AFG1L: variants seen among roughly 807,000 people sequenced by gnomAD.
The protein encoded by AFG1L is AFG1-like ATPase.
Under a neutral mutation model 62.2 loss-of-function variants are expected in AFG1L, and 53 were observed. That is an observed-to-expected ratio of 0.85 (90% confidence interval 0.68 to 1.07). The LOEUF (loss-of-function observed/expected upper bound fraction) is 1.07. AFG1L is among the 50% of genes least tolerant of loss of function. The pLI is 0.00. For missense variants in AFG1L, 555 were observed against 590.5 expected (o/e 0.94, Z 0.62); for synonymous variants, 228 against 210.3 (o/e 1.08, Z -0.73).
intron 7 of AFG1L, among the ~76,000 whole-genome samples, chr6:108,417,206 C>T (rs934491668): frequency 3.4e-5 from 5 of 148,246 alleles, no homozygotes; most frequent in African/African-American, 7.5e-5. Context: ...TGGATTCCAG[C>T]GTGGGCGACA....
chr6:108,347,868 A>G (rs879938159), intron 3 of AFG1L, among the ~76,000 whole-genome samples: 7 of 151,734 alleles, frequency 4.6e-5, no homozygotes, highest in Non-Finnish European at 8.8e-5. Flanking sequence ...CTGTCAATCA[A>G]TTATTTCTTC....
At chr6:108,339,328 T>A (rs1778590895) in intron 2 of AFG1L, among the ~76,000 whole-genome samples, 1 of 152,048 alleles carries the variant, frequency 6.6e-6, no homozygotes, top group Non-Finnish European at 1.5e-5. Flanking sequence ...TTAGTATAGA[T>A]GGAGTTTCAC....
intron 5 of AFG1L, among the ~76,000 whole-genome samples, chr6:108,361,543 C>T (rs1779529753): frequency 6.6e-6 from 1 of 152,058 alleles, no homozygotes. Context: ...TGAGCAAAAG[C>T]CTGAATGGTT....
In AFG1L at chr6:108,524,644, G is replaced by C. The variant is rs977148598; in HGVS notation, c.*2219G>C. On this transcript the variant is annotated 3_prime_UTR_variant, in exon 13 of 13. Coordinates refer to ENST00000368977, the MANE Select transcript of AFG1L (RefSeq NM_145315.5). ...GTGCCCACTTCTGTGCCCCCAATCC[G>C]CAATCTCCTTCCCCAGTTCCAGGGG... The C allele has an allele frequency of 6.6e-6, 1 of 152,140 alleles. No homozygotes were observed. Among genetic ancestry groups the C allele is most frequent in the Non-Finnish European group, 1.5e-5 (1 of 68,038 alleles). The allele number at this position is 152,140 out of a possible 1,614,324, so 9.4% of individuals were successfully genotyped here.
intron 6 of AFG1L, among the ~76,000 whole-genome samples, chr6:108,398,857 G>A (rs1314898720): frequency 6.6e-6 from 1 of 152,122 alleles, no homozygotes; most frequent in Admixed American, 6.5e-5. Flanking sequence ...TAGCTTTGTA[G>A]TATAGTGTGA....
Position 108,355,767 on chromosome 6 carries a change from T to C in AFG1L, c.517+12T>C, listed in dbSNP as rs746047753. ...AGATGTGCACAAAAGTAAGCAATGA[T>C]CTGAAAGAAGTGATTTTTTCAGTGG... On this transcript the variant is annotated intron_variant, in intron 4 of 12. Coordinates refer to ENST00000368977, the MANE Select transcript of AFG1L (RefSeq NM_145315.5). The C allele has an allele frequency of 6.4e-7, 1 of 1,570,618 alleles. No individual in the cohort carries two copies. Among genetic ancestry groups the C allele is most frequent in the Non-Finnish European group, 8.7e-7 (1 of 1,148,564 alleles).
At chr6:108,381,358 T>C (rs965934292) in intron 6 of AFG1L, among the ~76,000 whole-genome samples, 1 of 152,210 alleles carries the variant, frequency 6.6e-6, no homozygotes, top group Non-Finnish European at 1.5e-5. Context: ...CTTTTCTTTT[T>C]TTTTTTTAAT....
rs958279213 is a variant in AFG1L at position 108,523,874 on chromosome 6, A to G, written c.*1449A>G. ...TATTTTTATTGAAGTGAAACACAGT[A>G]ATTTCAAAGAGGTTACGTAATAGGG... On this transcript the variant is annotated 3_prime_UTR_variant, in exon 13 of 13. Transcript: ENST00000368977. The G allele has an allele frequency of 5.3e-5, 8 of 152,198 alleles. No individual in the cohort carries two copies. The highest frequency in any genetic ancestry group is 1.0e-4 in the Non-Finnish European group (7 of 68,036). The allele number at this position is 152,198 out of a possible 1,614,324, so 9.4% of individuals were successfully genotyped here.
chr6:108,383,838 A>G (rs930081312), intron 6 of AFG1L, among the ~76,000 whole-genome samples: 6 of 152,134 alleles, frequency 3.9e-5, no homozygotes, highest in Non-Finnish European at 8.8e-5. Context: ...AAGAAAAAAT[A>G]TTTCTTAGAG....
At chr6:108,378,974 C>A (rs1780375970) in intron 6 of AFG1L, among the ~76,000 whole-genome samples, 1 of 149,122 alleles carries the variant, frequency 6.7e-6, no homozygotes, top group Admixed American at 6.7e-5. Context: ...TATGCTGCTG[C>A]TGCTGCTCTT....
chr6:108,348,120 A>G (rs774270263), intron 3 of AFG1L, among the ~76,000 whole-genome samples: 50 of 152,062 alleles, frequency 3.3e-4, no homozygotes, highest in Non-Finnish European at 6.2e-4. Context: ...TCTCTCTGTC[A>G]CCCAGGCTGG....
At chr6:108,311,150 C>T (rs1040664819) in intron 1 of AFG1L, among the ~76,000 whole-genome samples, 1 of 152,172 alleles carries the variant, frequency 6.6e-6, no homozygotes, top group East Asian at 1.9e-4. Context: ...CCCTTGTACT[C>T]CTCCAGTAGT....
chr6:108,468,759 C>CT (rs34963344), intron 8 of AFG1L, among the ~76,000 whole-genome samples: 5,284 of 138,798 alleles, frequency 0.038, 209 homozygotes, highest in African/African-American at 0.093. Flanking sequence ...TTCTATTTTC[C>CT]TTTTTTTTTT....
chr6:108,422,496 A>AAAAAAAAAAAAAAAAC, intron 7 of AFG1L, among the ~76,000 whole-genome samples: 1 of 148,550 alleles, frequency 6.7e-6, no homozygotes, highest in African/African-American at 2.5e-5. Flanking sequence ...AAAAAAAAAA[A>AAAAAAAAAAAAAAAAC]AAAGAAGAAG....
chr6:108,333,079 AGAC>A (rs1418103192), intron 2 of AFG1L, among the ~76,000 whole-genome samples: 1 of 152,260 alleles, frequency 6.6e-6, no homozygotes, highest in Non-Finnish European at 1.5e-5. Flanking sequence ...GTGAAAAGGT[AGAC>A]GACAGACTGG....
chr6:108,390,787 C>T (rs1781021155), intron 6 of AFG1L, among the ~76,000 whole-genome samples: 1 of 152,212 alleles, frequency 6.6e-6, no homozygotes, highest in Non-Finnish European at 1.5e-5. Flanking sequence ...TGGGGGGTGC[C>T]TCCCAGTTAG....
At chr6:108,341,989 A>G (rs894041119) in intron 2 of AFG1L, among the ~76,000 whole-genome samples, 2 of 152,148 alleles carry the variant, frequency 1.3e-5, no homozygotes, top group Non-Finnish European at 2.9e-5. Flanking sequence ...ATAAAGACCA[A>G]ATTTAGAGAC....
chr6:108,489,325 G>T (rs946389421), intron 10 of AFG1L, among the ~76,000 whole-genome samples: 1 of 152,212 alleles, frequency 6.6e-6, no homozygotes, highest in Non-Finnish European at 1.5e-5. Context: ...GCTGACCTGT[G>T]AAATATACAT....
intron 1 of AFG1L, among the ~76,000 whole-genome samples, chr6:108,317,298 A>G (rs2114268643): frequency 6.6e-6 from 1 of 152,298 alleles, no homozygotes; most frequent in East Asian, 1.9e-4. Context: ...GTCTCTCTGC[A>G]GGCTTCGAGC....
Sources: allele counts gnomAD v4.1 joint callset (sites outside exome capture counted in the v4.1 genomes callset), GRCh38; gene constraint gnomAD v4.1.1; transcripts MANE v1.5; gene names NCBI Gene and HGNC (gene_info 2026-07-23, HGNC 2026-07-21).